The following GRIK4 variants were observed in gnomAD, a reference collection of about 807,000 sequenced individuals.
GRIK4 encodes the protein glutamate receptor ionotropic, kainate 4.
GRIK4 carries 40 observed loss-of-function variants against 104.9 expected under a neutral mutation model. The ratio of observed to expected loss-of-function variants is 0.38; its 90% CI spans 0.30 to 0.50. The LOEUF (loss-of-function observed/expected upper bound fraction) is 0.50, where lower values mean the gene tolerates loss of function less well. Ranked by LOEUF, GRIK4 falls within the 20% of genes least tolerant of loss-of-function variation. GRIK4 has a pLI of 0.93. For synonymous variants in GRIK4, 485 were observed against 524.9 expected, an observed-to-expected ratio of 0.92 and a Z score of 1.04; for missense variants, 1,047 against 1,308.1, an observed-to-expected ratio of 0.80 and a Z score of 3.08.
At chr11:120,665,974 T>G (rs1949907298) in intron 3 of GRIK4, among the ~76,000 whole-genome samples, 1 of 152,200 alleles carries the variant, frequency 6.6e-6, no homozygotes, top group Non-Finnish European at 1.5e-5. Flanking sequence ...CATTGTGCAC[T>G]GTAACTTCAT....
chr11:120,608,153 G>A (rs1272289973), intron 1 of GRIK4, among the ~76,000 whole-genome samples: 1 of 152,206 alleles, frequency 6.6e-6, no homozygotes, highest in Non-Finnish European at 1.5e-5. Context: ...TTCTGGAAAA[G>A]GTGTGTAAGG....
At chr11:120,929,022 C>A (rs12099315) in intron 13 of GRIK4, among the ~76,000 whole-genome samples, 2 of 148,920 alleles carry the variant, frequency 1.3e-5, no homozygotes, top group African/African-American at 5.1e-5. Context: ...TGTGTGCGCA[C>A]ATGTGTGTGT....
chr11:120,784,508 A>C (rs1175598428), intron 3 of GRIK4, among the ~76,000 whole-genome samples: 3 of 152,082 alleles, frequency 2.0e-5, no homozygotes, highest in Non-Finnish European at 4.4e-5. Context: ...TTTTGATCGG[A>C]GGCCACAGGG....
intron 3 of GRIK4, among the ~76,000 whole-genome samples, chr11:120,748,270 C>T (rs1327273656): frequency 6.6e-6 from 1 of 152,130 alleles, no homozygotes; most frequent in Non-Finnish European, 1.5e-5. Context: ...TCCCTTCCAC[C>T]TCCCATCTCC....
At chr11:120,818,724 G>C (rs1953026207) in intron 5 of GRIK4, among the ~76,000 whole-genome samples, 1 of 152,146 alleles carries the variant, frequency 6.6e-6, no homozygotes, top group African/African-American at 2.4e-5. Context: ...ATAAGTTGTG[G>C]GCCAGAGCAG....
At chr11:120,637,065 C>T (rs775705901) in intron 1 of GRIK4, among the ~76,000 whole-genome samples, 1 of 151,736 alleles carries the variant, frequency 6.6e-6, no homozygotes, top group Non-Finnish European at 1.5e-5. Flanking sequence ...CATTTGATGG[C>T]CAGCAGGAGG....
At chr11:120,715,294 A>G (rs1402672291) in intron 3 of GRIK4, among the ~76,000 whole-genome samples, 1 of 152,228 alleles carries the variant, frequency 6.6e-6, no homozygotes, top group Non-Finnish European at 1.5e-5. Flanking sequence ...AGGGCAGGCA[A>G]GAAAGTCGAC....
chr11:120,920,388 C>T (rs541552397), intron 13 of GRIK4, among the ~76,000 whole-genome samples: 1 of 152,304 alleles, frequency 6.6e-6, no homozygotes, highest in African/African-American at 2.4e-5. Context: ...GGTCCCCAAA[C>T]ACATGCCCAT....
intron 8 of GRIK4, among the ~76,000 whole-genome samples, chr11:120,842,609 T>TA (rs1299812397): frequency 7.2e-5 from 11 of 152,376 alleles, no homozygotes; most frequent in Non-Finnish European, 1.5e-4. Context: ...TAACTGATCC[T>TA]AAAAGTGGAA....
intron 1 of GRIK4, among the ~76,000 whole-genome samples, chr11:120,604,049 G>C (rs972226126): frequency 6.6e-6 from 1 of 151,938 alleles, no homozygotes; most frequent in Non-Finnish European, 1.5e-5. Context: ...GCGGGCACCT[G>C]TAGCCCCAGC....
At chr11:120,969,317 GA>G (rs1316017177) in intron 19 of GRIK4, among the ~76,000 whole-genome samples, 3 of 152,162 alleles carry the variant, frequency 2.0e-5, no homozygotes, top group Non-Finnish European at 4.4e-5. Flanking sequence ...TTGTGGATTG[GA>G]TAGAATGAAC....
chr11:120,695,889 T>G (rs1293238107), intron 3 of GRIK4, among the ~76,000 whole-genome samples: 4 of 152,018 alleles, frequency 2.6e-5, no homozygotes, highest in East Asian at 1.9e-4. Flanking sequence ...AAGACCAGAG[T>G]GGGCCTGGGT....
intron 1 of GRIK4, among the ~76,000 whole-genome samples, chr11:120,537,094 C>T (rs1464330878): frequency 2.0e-5 from 3 of 152,200 alleles, no homozygotes; most frequent in Non-Finnish European, 4.4e-5. Context: ...GGAGCCGAGA[C>T]CTGTTTCCTG....
At chr11:120,807,431 G>A (rs1344345050) in intron 4 of GRIK4, among the ~76,000 whole-genome samples, 6 of 152,116 alleles carry the variant, frequency 3.9e-5, no homozygotes, top group Non-Finnish European at 7.3e-5. Flanking sequence ...TCAGCTGTCC[G>A]CACAGTTTCC....
intron 1 of GRIK4, among the ~76,000 whole-genome samples, chr11:120,591,606 C>T (rs34238850): frequency 0.24 from 36,987 of 152,118 alleles, 5,657 homozygotes; most frequent in Admixed American, 0.42. Flanking sequence ...TGCCTTCTTC[C>T]CTCTTCCCTC....
chr11:120,941,739 G>T (rs1011918879), intron 14 of GRIK4, among the ~76,000 whole-genome samples: 1 of 152,016 alleles, frequency 6.6e-6, no homozygotes, highest in Non-Finnish European at 1.5e-5. Flanking sequence ...AAGGGACACC[G>T]GGTATTGCTA....
At chr11:120,615,007 A>G (rs1470788602) in intron 1 of GRIK4, among the ~76,000 whole-genome samples, 1 of 151,762 alleles carries the variant, frequency 6.6e-6, no homozygotes, top group African/African-American at 2.4e-5. Flanking sequence ...TCAAAACAAA[A>G]CAAAACAAAA....
chr11:120,940,885 A>T lies in GRIK4; in HGVS notation c.1590+425A>T, dbSNP rs1783670187. ...AATGTAGATTCCTTCTCTCTCGATG[A>T]TCTGTCCTGGAGAATAAATGGTAGA... On this transcript the variant is annotated intron_variant, in intron 14 of 20. Coordinates refer to ENST00000527524, the MANE Select transcript of GRIK4 (RefSeq NM_014619.5). This position sits in a 1 kb window ranked among gnomAD's most constrained non-coding sequence, Gnocchi z 4.3. Among the ~76,000 whole-genome samples, 2 of 152,192 alleles carry T rather than the reference A, an allele frequency of 1.3e-5. No individual in the cohort carries two copies. The highest frequency in any genetic ancestry group is 4.1e-4 in the South Asian group (2 of 4,824).
At chr11:120,962,781 G>T in intron 18 of GRIK4, 100 bp downstream of exon 18, 2 of 714,480 alleles carry the variant, frequency 2.8e-6, no homozygotes, top group Non-Finnish European at 2.4e-6. Flanking sequence ...ACCCCCTGTT[G>T]TTAGAACCAG....
Sources: gnomAD v4.1 joint callset for allele counts (sites outside exome capture counted in the v4.1 genomes callset) on GRCh38, gnomAD v4.1.1 for gene constraint, Gnocchi (gnomAD v3.1) non-coding constraint, MANE v1.5 for transcripts, NCBI Gene and HGNC (gene_info 2026-07-23, HGNC 2026-07-21) for gene names.